DCLK1: variants seen among roughly 807,000 people sequenced by gnomAD.
DCLK1 encodes doublecortin like kinase 1.
A neutral mutation model predicts 86.2 loss-of-function variants in DCLK1; 16 were observed. The ratio of observed to expected loss-of-function variants is 0.19; its 90% confidence interval spans 0.13 to 0.28. DCLK1 has a LOEUF of 0.28. DCLK1 is among the 10% of genes least tolerant of loss of function. DCLK1 has a pLI of 1.00. For missense variants in DCLK1, 590 were observed against 940.2 expected, an observed-to-expected ratio of 0.63 and a Z score of 4.87; for synonymous variants, 369 against 370.5, an observed-to-expected ratio of 1.00 and a Z score of 0.05.
intron 3 of DCLK1, among the ~76,000 whole-genome samples, chr13:36,061,883 C>T (rs758885540): frequency 1.3e-5 from 2 of 152,164 alleles, no homozygotes; most frequent in Non-Finnish European, 2.9e-5. Flanking sequence ...CAATATCCAC[C>T]ATCAATGTGT....
chr13:35,787,737 T>C, intron 16 of DCLK1: 1 of 175,798 alleles, frequency 5.7e-6, no homozygotes, highest in Non-Finnish European at 1.2e-5. Flanking sequence ...CCATTGTACT[T>C]TGAGGCGCTT....
chr13:35,944,087 G>A (rs946999984), intron 4 of DCLK1, among the ~76,000 whole-genome samples: 1 of 152,168 alleles, frequency 6.6e-6, no homozygotes, highest in African/African-American at 2.4e-5. Flanking sequence ...GAGTCTCCCT[G>A]GCAGTTTCCG....
At chr13:35,968,124 G>A (rs1878875433) in intron 3 of DCLK1, among the ~76,000 whole-genome samples, 1 of 152,150 alleles carries the variant, frequency 6.6e-6, no homozygotes, top group South Asian at 2.1e-4. Flanking sequence ...TAAGTGAAAT[G>A]AGTCCATCAC....
chr13:35,878,547 T>C (rs886986987), intron 4 of DCLK1, among the ~76,000 whole-genome samples: 1 of 151,892 alleles, frequency 6.6e-6, no homozygotes, highest in Non-Finnish European at 1.5e-5. Context: ...GGATGGTTAA[T>C]GGGTACAAAA....
chr13:35,931,467 G>A (rs1876427242), intron 4 of DCLK1, among the ~76,000 whole-genome samples: 1 of 152,168 alleles, frequency 6.6e-6, no homozygotes, highest in Non-Finnish European at 1.5e-5. Flanking sequence ...GAGCCTGCAT[G>A]GTTTGGCAAT....
chr13:35,824,131 T>G (rs2087464280), intron 10 of DCLK1, among the ~76,000 whole-genome samples: 1 of 152,170 alleles, frequency 6.6e-6, no homozygotes, highest in African/African-American at 2.4e-5. Flanking sequence ...ATGGAGACCC[T>G]GCAAAGATTC....
chr13:35,832,377 G>A (rs1410121282), intron 8 of DCLK1, among the ~76,000 whole-genome samples: 1 of 152,152 alleles, frequency 6.6e-6, no homozygotes, highest in Non-Finnish European at 1.5e-5. Flanking sequence ...TGTTGCTGTT[G>A]TTTGCTATGT....
intron 4 of DCLK1, among the ~76,000 whole-genome samples, chr13:35,874,078 A>T (rs1316032505): frequency 6.6e-6 from 1 of 152,150 alleles, no homozygotes; most frequent in East Asian, 1.9e-4. Flanking sequence ...TTTCCATTAT[A>T]TATTTTAAAT....
At chr13:36,056,966 G>GCACAAACACACACACACACACACACACAC (rs1394267239) in intron 3 of DCLK1, among the ~76,000 whole-genome samples, 1 of 148,288 alleles carries the variant, frequency 6.7e-6, no homozygotes. Context: ...TTACACAAAT[G>GCACAAACACACACACACACACACACACAC]GCATTATATT....
chr13:36,088,034 A>T (rs551849170), intron 3 of DCLK1, among the ~76,000 whole-genome samples: 13 of 152,344 alleles, frequency 8.5e-5, no homozygotes, highest in Admixed American at 6.5e-4. Context: ...TGGCCAAGTT[A>T]CATGTGGTTT....
In DCLK1 at chr13:35,769,803, C is replaced by A. The variant is rs1011096753; in HGVS notation, c.*4732G>T. On this transcript the variant is annotated 3_prime_UTR_variant, in exon 17 of 17. Coordinates refer to ENST00000360631, the MANE Select transcript of DCLK1 (RefSeq NM_001330071.2). ...GGGTCTCAATTTCATTGAACAGAAA[C>A]AAATGCTGAAGAAATTTACAGGTAT... 6.6e-6 allele frequency: 1 copy of A among 152,126 alleles called. No homozygotes were observed. Among genetic ancestry groups the A allele is most frequent in the Non-Finnish European group, 1.5e-5 (1 of 67,996 alleles). 9.4% of individuals were successfully genotyped at this position (152,126 alleles called of 1,614,324 possible).
At chr13:35,784,316 A>T (rs2086582466) in intron 16 of DCLK1, among the ~76,000 whole-genome samples, 1 of 152,226 alleles carries the variant, frequency 6.6e-6, no homozygotes, top group Non-Finnish European at 1.5e-5. Context: ...AGTAATAAGT[A>T]AGCTAAATTT....
chr13:36,116,399 G>GA (rs11370902), intron 2 of DCLK1, among the ~76,000 whole-genome samples: 90,522 of 151,888 alleles, frequency 0.6, 27,627 homozygotes, highest in East Asian at 0.86. Context: ...CACTTAAAAT[G>GA]GTTCCCTGGG....
chr13:35,846,155 C>A, intron 6 of DCLK1: 1 of 985,052 alleles, frequency 1.0e-6, no homozygotes, highest in East Asian at 1.1e-4. Context: ...TGTTTTAACA[C>A]AAAATGTTTT....
chr13:36,025,210 C>T (rs1342907655), intron 3 of DCLK1, among the ~76,000 whole-genome samples: 1 of 152,072 alleles, frequency 6.6e-6, no homozygotes, highest in Non-Finnish European at 1.5e-5. Flanking sequence ...TCAGGTGATC[C>T]ACCCGCTTCG....
intron 4 of DCLK1, among the ~76,000 whole-genome samples, chr13:35,941,301 T>C (rs777993966): frequency 6.6e-6 from 1 of 152,192 alleles, no homozygotes; most frequent in African/African-American, 2.4e-5. Flanking sequence ...CAGAACCCCA[T>C]GGTGAATGGT....
At chr13:36,120,747 C>T (rs1186966621) in intron 2 of DCLK1, among the ~76,000 whole-genome samples, 1 of 151,968 alleles carries the variant, frequency 6.6e-6, no homozygotes, top group African/African-American at 2.4e-5. Flanking sequence ...AATACAAATG[C>T]CCTTTAAACA....
At chr13:35,817,928 T>A (rs1158361452) in intron 11 of DCLK1, among the ~76,000 whole-genome samples, 1 of 152,222 alleles carries the variant, frequency 6.6e-6, no homozygotes. Context: ...ACTAACTTAG[T>A]CTCTAGGGAT....
Position 35,793,400 on chromosome 13 carries a change from G to C in DCLK1, c.2024C>G (p.Pro675Arg). 1 of 1,608,552 alleles carries C rather than the reference G, an allele frequency of 6.2e-7. No homozygotes were observed. Among genetic ancestry groups the C allele is most frequent in the East Asian group, 2.2e-5 (1 of 44,544 alleles). Residue 675 changes from proline to arginine, a missense_variant, in exon 16 of 17, where the codon CCG becomes CGG. This residue lies in a region of DCLK1 where 146 missense variants were observed against 190.2 expected (regional missense o/e 0.77). Transcript: ENST00000360631. ...IKKHFNTGPKPNSTAAGVSVI... is the reference protein window; with the variant it reads ...IKKHFNTGPKRNSTAAGVSVI... ...AGAAACTCCAGCTGCTGTGCTATTCGGCTTGGGGCCTGTGTTGAAATGCTT... is the reference window on the plus strand; with the variant it reads ...AGAAACTCCAGCTGCTGTGCTATTCCGCTTGGGGCCTGTGTTGAAATGCTT...
Sources: gnomAD v4.1 joint callset for allele counts (sites outside exome capture counted in the v4.1 genomes callset) on GRCh38, gnomAD v4.1.1 for gene constraint, gnomAD v4.1.1 regional missense constraint, MANE v1.5 for transcripts, NCBI Gene and HGNC (gene_info 2026-07-23, HGNC 2026-07-21) for gene names.